Variants in GANC observed in about 807,000 individuals in gnomAD.
The protein encoded by GANC is neutral alpha-glucosidase C.
In GANC, 117 loss-of-function variants were observed where a neutral mutation model predicts 124.2. The observed-to-expected ratio is 0.94, with a 90% CI of 0.81 to 1.10. GANC has a LOEUF of 1.10. Ranked by LOEUF, GANC falls within the 50% of genes least tolerant of loss-of-function variation. The probability of loss-of-function intolerance (pLI) is 0.00; values close to 1 mark genes in which losing one functional copy is unlikely to be tolerated. For missense variants in GANC, 1,140 were observed against 1,095.0 expected, an observed-to-expected ratio of 1.04 and a Z score of -0.58; for synonymous variants, 377 against 376.8, an observed-to-expected ratio of 1.00 and a Z score of -0.01.
At chr15:42,339,954 T>A (rs1170146366) in intron 17 of GANC, 42 bp downstream of exon 17, 2 of 1,588,400 alleles carry the variant, frequency 1.3e-6, no homozygotes, top group Admixed American at 3.6e-5. Context: ...GCAACCAATC[T>A]GTAATAGAAG....
intron 21 of GANC, among the ~76,000 whole-genome samples, chr15:42,348,633 C>A (rs989911311): frequency 1.3e-5 from 2 of 152,170 alleles, no homozygotes; most frequent in Non-Finnish European, 2.9e-5. Context: ...CAACTAAAAC[C>A]CCCTTGGGCA....
rs775161929 is a variant in GANC at position 42,343,172 on chromosome 15, C to T, written c.2229+18C>T. The stretch of plus-strand genomic sequence containing the variant: ...CAAATGAGGTAAGAGTAATAACAGC[C>T]ACATATCTGATATGTCTCATATCTC... On this transcript the variant is annotated intron_variant, in intron 19 of 23. Transcript: ENST00000318010. 1.4e-5 allele frequency: 22 copies of T among 1,597,286 alleles called. No individual in the cohort carries two copies. In the Admixed American group the frequency reaches 1.8e-4, roughly 13 times the overall value.
chr15:42,287,690 G>C lies in GANC; in HGVS notation c.202-1G>C, dbSNP rs1388659490. The C allele has an allele frequency of 6.2e-7, 1 of 1,609,846 alleles. No individual in the cohort carries two copies. The highest frequency in any genetic ancestry group is 8.5e-7 in the Non-Finnish European group (1 of 1,178,498). On this transcript the variant is annotated splice_acceptor_variant, in intron 3 of 23. Transcript: ENST00000318010. LOFTEE classifies it high-confidence loss of function. ...AGGTAATCTCTTGTATCTGTTTCCAGGTTCCTCTCCTGGCTGAAATTTATG... is the reference window on the plus strand; with the variant it reads ...AGGTAATCTCTTGTATCTGTTTCCACGTTCCTCTCCTGGCTGAAATTTATG...
chr15:42,293,651 C>CCTA (rs1332423237), intron 5 of GANC, among the ~76,000 whole-genome samples: 1 of 151,588 alleles, frequency 6.6e-6, no homozygotes, highest in Non-Finnish European at 1.5e-5. Context: ...AATCTCTCCA[C>CCTA]CTACTCTCTT....
intron 6 of GANC, among the ~76,000 whole-genome samples, chr15:42,304,005 C>T (rs925786802): frequency 6.6e-6 from 1 of 152,160 alleles, no homozygotes; most frequent in Non-Finnish European, 1.5e-5. Flanking sequence ...CCAAGCAGAC[C>T]TAATAAACAT....
At chr15:42,348,924 C>T (rs554608914) in intron 21 of GANC, among the ~76,000 whole-genome samples, 68 of 152,128 alleles carry the variant, frequency 4.5e-4, no homozygotes, top group Non-Finnish European at 8.5e-4. Context: ...ATACAAAAGA[C>T]TAGCGATCCA....
At chr15:42,309,753 T>A (rs1430589567) in intron 8 of GANC, among the ~76,000 whole-genome samples, 1 of 151,232 alleles carries the variant, frequency 6.6e-6, no homozygotes, top group African/African-American at 2.4e-5. Context: ...GCACAGTGGC[T>A]CATACCTGTA....
chr15:42,328,038 G>A (rs1268483112), intron 13 of GANC, among the ~76,000 whole-genome samples: 2 of 152,102 alleles, frequency 1.3e-5, no homozygotes, highest in Non-Finnish European at 1.5e-5. Flanking sequence ...CTCTGAAGTT[G>A]GAACTATAAC....
In GANC at chr15:42,352,400, T is replaced by C. The variant is rs2052455350; in HGVS notation, c.*261T>C. ...ACATAGCCCTGAGACATTTATAGCG[T>C]TCAGGAGTCTTCTATTGCTTCCATT... On this transcript the variant is annotated 3_prime_UTR_variant, in exon 24 of 24. Coordinates refer to ENST00000318010, the MANE Select transcript of GANC (RefSeq NM_198141.3). The C allele has an allele frequency of 2.5e-6, 3 of 1,208,438 alleles. No homozygotes were observed. Among genetic ancestry groups the C allele is most frequent in the African/African-American group, 3.1e-5 (2 of 64,540 alleles). The allele number at this position is 1,208,438 out of a possible 1,614,324, so 74.9% of individuals were successfully genotyped here. A position where few individuals can be genotyped will look rare whatever the true frequency, so the allele number is the denominator to read the frequency against.
chr15:42,338,617 G>A, intron 16 of GANC, 127 bp downstream of exon 16: 3 of 704,088 alleles, frequency 4.3e-6, no homozygotes, highest in East Asian at 5.5e-5. Context: ...AAGAAAAAAT[G>A]TGAGAAAGTG....
chr15:42,345,903 T>C, intron 20 of GANC, 71 bp downstream of exon 20: 1 of 1,034,906 alleles, frequency 9.7e-7, no homozygotes, highest in Non-Finnish European at 1.5e-6. Flanking sequence ...CATGACAAAA[T>C]ACCACAGACT....
At chr15:42,306,691 C>G (rs1369440825) in intron 7 of GANC, 79 bp downstream of exon 7, 1 of 946,446 alleles carries the variant, frequency 1.1e-6, no homozygotes, top group African/African-American at 1.7e-5. Context: ...GCCCCTTGAT[C>G]TCTGGCACCT....
chr15:42,336,072 C>T (rs1304942419), intron 15 of GANC, among the ~76,000 whole-genome samples: 3 of 151,738 alleles, frequency 2.0e-5, no homozygotes, highest in African/African-American at 7.3e-5. Flanking sequence ...CGTGCTATTC[C>T]TGTCAAACTA....
chr15:42,281,800 G>A (rs2051736852), intron 3 of GANC, among the ~76,000 whole-genome samples: 1 of 152,200 alleles, frequency 6.6e-6, no homozygotes, highest in African/African-American at 2.4e-5. Context: ...AATCCTTCAG[G>A]ATAGTAGAAA....
intron 16 of GANC, among the ~76,000 whole-genome samples, chr15:42,339,363 T>C (rs1382738111): frequency 2.1e-5 from 3 of 145,840 alleles, no homozygotes; most frequent in African/African-American, 7.8e-5. Flanking sequence ...CACACAGTTA[T>C]TTAATCAGGC....
In GANC at chr15:42,292,930, A is replaced by G. The variant is rs1323151754; in HGVS notation, c.512+13A>G. On this transcript the variant is annotated intron_variant, in intron 5 of 23. Coordinates refer to ENST00000318010, the MANE Select transcript of GANC (RefSeq NM_198141.3). ...TTCACAAACAAAGGTATTCTTATGC[A>G]TTACTTGACACATAAAGACCTTAAC... 1 of 1,610,724 alleles carries G rather than the reference A, an allele frequency of 6.2e-7. No homozygotes were observed. Among genetic ancestry groups the G allele is most frequent in the African/African-American group, 1.3e-5 (1 of 74,976 alleles).
At chr15:42,349,353 C>T (rs1326105465) in intron 21 of GANC, 30 bp from the exon 22 acceptor site, 1 of 1,285,662 alleles carries the variant, frequency 7.8e-7, no homozygotes, top group South Asian at 1.2e-5. Context: ...ATCATATAAG[C>T]ACATTCTGTC....
intron 19 of GANC, among the ~76,000 whole-genome samples, chr15:42,344,178 T>G (rs7166240): frequency 0.097 from 14,719 of 152,192 alleles, 833 homozygotes; most frequent in South Asian, 0.18. Flanking sequence ...ACAAATTACC[T>G]CAAACCTAGT....
At position 42,306,529 on chromosome 15, in the gene GANC, CT is replaced by C. The variant is rs776541765; in HGVS notation, c.559-11del. 5.6e-6 allele frequency: 9 copies of C among 1,601,054 alleles called. No homozygotes were observed. In the South Asian group the frequency reaches 6.7e-5, roughly 12 times the overall value. On this transcript the variant is annotated splice_polypyrimidine_tract_variant and intron_variant, in intron 6 of 23. Transcript: ENST00000318010. ...GCAATTTGTAAACTCAGTTTGCTCC[CT>C]TTTTTGTACCAACAGGAAAATCAAG...
Sources: gnomAD v4.1 joint callset for allele counts (sites outside exome capture counted in the v4.1 genomes callset) on GRCh38, gnomAD v4.1.1 for gene constraint, MANE v1.5 for transcripts, NCBI Gene and HGNC (gene_info 2026-07-23, HGNC 2026-07-21) for gene names.